The following ZNF398 variants were observed in gnomAD, a reference collection of about 807,000 sequenced individuals.
The protein encoded by ZNF398 is zinc finger DNA binding protein ZER6.
In ZNF398, 18 loss-of-function variants were observed where a neutral mutation model predicts 41.9. The observed-to-expected ratio is 0.43, with a 90% confidence interval of 0.30 to 0.64. The LOEUF is 0.64. Among genes scored for constraint, ZNF398 ranks in the 30% least tolerant of loss-of-function variants. The pLI is 0.14. For missense variants in ZNF398, 669 were observed against 822.8 expected (o/e 0.81, Z 2.29); for synonymous variants, 260 against 308.8 (o/e 0.84, Z 1.66).
rs150446981 is a variant in ZNF398 at position 149,150,553 on chromosome 7, T to A, written c.24+2787T>A. 1.5e-3 allele frequency among the ~76,000 whole-genome samples: 225 copies of A among 152,128 alleles called. 3 individuals are homozygous for A. The East Asian group carries it at 0.034, about 23-fold the overall frequency. On this transcript the variant is annotated intron_variant, in intron 1 of 5. Coordinates refer to ENST00000475153, the MANE Select transcript of ZNF398 (RefSeq NM_170686.3). The stretch of plus-strand genomic sequence containing the variant: ...GATGGAGGTTGCGGTAAGCTGAGAT[T>A]ACACCACTGCACTCCAGCCTGGGTG...
intron 2 of ZNF398, among the ~76,000 whole-genome samples, chr7:149,130,330 A>C (rs950284648): frequency 1.3e-5 from 2 of 152,188 alleles, no homozygotes; most frequent in Admixed American, 6.5e-5. Context: ...TCCTAACCTC[A>C]AGTGATCCGC....
In ZNF398 at chr7:149,178,788, A is replaced by G; in HGVS notation, c.916A>G (p.Met306Val). The part of the protein sequence containing the change: ...VAFKSQQSTS[M>V]TPFGRPATDL... ...TTTCAAAAGCCAGCAGTCTACATCC[A>G]TGACACCTTTTGGACGTCCAGCCAC... is the stretch of plus-strand genomic sequence containing the variant. Residue 306 changes from methionine (M) to valine (V), a missense_variant, in exon 6 of 6, where the codon ATG (methionine) becomes GTG (valine). Coordinates refer to ENST00000475153, the MANE Select transcript of ZNF398 (RefSeq NM_170686.3). 4 of 1,614,196 alleles carry G rather than the reference A, an allele frequency of 2.5e-6. No individual in the cohort carries two copies. The highest frequency in any genetic ancestry group is 2.5e-6 in the Non-Finnish European group (3 of 1,180,028).
intron 2 of ZNF398, among the ~76,000 whole-genome samples, chr7:149,163,882 G>A (rs946128190): frequency 1.3e-5 from 2 of 152,148 alleles, no homozygotes; most frequent in Non-Finnish European, 2.9e-5. Flanking sequence ...GGAGGCTGAG[G>A]TAGGTGAATC....
At position 149,148,482 on chromosome 7, in the gene ZNF398, G is replaced by A. The variant is rs1416786952; in HGVS notation, c.24+716G>A. ...ACTGATCGCATTTGCCACCCAAGAG[G>A]TCTTTGGTCACCTCTAGGAGAGCAA... On this transcript the variant is annotated intron_variant, in intron 1 of 5. Coordinates refer to ENST00000475153, the MANE Select transcript of ZNF398 (RefSeq NM_170686.3). 9 of 985,412 alleles carry A rather than the reference G, an allele frequency of 9.1e-6. No homozygotes were observed. In the East Asian group the frequency reaches 9.1e-4, roughly 99 times the overall value. 61.0% of individuals were successfully genotyped at this position (985,412 alleles called of 1,614,324 possible).
upstream of ZNF398, among the ~76,000 whole-genome samples, chr7:149,144,350 G>A (rs573956006): frequency 1.6e-4 from 25 of 152,112 alleles, no homozygotes; most frequent in South Asian, 1.3e-3. Context: ...TCAGTCTGTC[G>A]CCCAGGCTGG....
At chr7:149,134,028 G>A (rs1174221912) in intron 2 of ZNF398, among the ~76,000 whole-genome samples, 1 of 150,052 alleles carries the variant, frequency 6.7e-6, no homozygotes, top group African/African-American at 2.4e-5. Context: ...TGGGATTACA[G>A]GCATGAGCCA....
At chr7:149,143,041 C>G (rs1187980799), upstream of ZNF398, among the ~76,000 whole-genome samples, 6 of 151,942 alleles carry the variant, frequency 3.9e-5, no homozygotes, top group African/African-American at 1.5e-4. Flanking sequence ...CAAACTCAAC[C>G]TCCCAGGCTC....
chr7:149,142,166 G>A (rs1826838850), intron 2 of ZNF398, among the ~76,000 whole-genome samples: 1 of 151,846 alleles, frequency 6.6e-6, no homozygotes, highest in South Asian at 2.1e-4. Context: ...AACCATTTTC[G>A]GTTGAGATTT....
intron 2 of ZNF398, among the ~76,000 whole-genome samples, chr7:149,158,278 G>C (rs1795027543): frequency 6.6e-6 from 1 of 152,192 alleles, no homozygotes; most frequent in Admixed American, 6.6e-5. Flanking sequence ...TGTCTGCATA[G>C]ATGTCACTGG....
At chr7:149,158,179 G>GA (rs1256639485) in intron 2 of ZNF398, among the ~76,000 whole-genome samples, 3 of 151,118 alleles carry the variant, frequency 2.0e-5, no homozygotes, top group Admixed American at 6.6e-5. Context: ...GGGCCAAGGA[G>GA]AAAAAAAAAG....
At chr7:149,170,608 G>A (rs532900903) in intron 4 of ZNF398, among the ~76,000 whole-genome samples, 7 of 152,024 alleles carry the variant, frequency 4.6e-5, no homozygotes, top group Non-Finnish European at 5.9e-5. Context: ...GGTGGTGGGC[G>A]CCTGTAGTCC....
Position 149,176,503 on chromosome 7 carries a change from A to G in ZNF398, c.697A>G (p.Ile233Val), listed in dbSNP as rs758450928. The change falls in exon 5 of 6, where the codon ATT becomes GTT. Residue 233 changes from isoleucine to valine, a missense_variant. Coordinates refer to ENST00000475153, the MANE Select transcript of ZNF398 (RefSeq NM_170686.3). ...TTCAACATCAGATATTCTGTCTTGG[A>G]TTAAACAAGAAGAAGAGCCTCAGGT... ...GISTSDILSW[I>V]KQEEEPQVGA... 1.9e-6 allele frequency: 3 copies of G among 1,613,804 alleles called. No individual in the cohort carries two copies. The highest frequency in any genetic ancestry group is 2.5e-6 in the Non-Finnish European group (3 of 1,179,926).
intron 2 of ZNF398, among the ~76,000 whole-genome samples, chr7:149,161,629 A>C (rs1171924576): frequency 6.6e-6 from 1 of 152,198 alleles, no homozygotes; most frequent in Non-Finnish European, 1.5e-5. Flanking sequence ...CTGAATGCCT[A>C]ACATACAAGC....
At chr7:149,148,409 A>C (rs2129520028) in intron 1 of ZNF398, 1 of 984,984 alleles carries the variant, frequency 1.0e-6, no homozygotes, top group Admixed American at 6.1e-5. Flanking sequence ...CCGCGCCTGC[A>C]CGCAGCCCCG....
chr7:149,171,083 C>T (rs1795330280), intron 4 of ZNF398, among the ~76,000 whole-genome samples: 1 of 150,348 alleles, frequency 6.7e-6, no homozygotes, highest in Admixed American at 6.6e-5. Context: ...CTGCTGACCT[C>T]ATGATCCACC....
rs143211105 is a variant in ZNF398 at position 149,134,064 on chromosome 7, CTT to C, written c.-490+5136_-490+5137del. 5.6e-4 allele frequency among the ~76,000 whole-genome samples: 72 copies of C among 128,492 alleles called. 1 individual carries two copies. Among genetic ancestry groups the C allele is most frequent in the East Asian group, 1.7e-3 (7 of 4,172 alleles). The allele number at this position is 128,492 out of a possible 152,430, so 84.3% of individuals were successfully genotyped here. A position where few individuals can be genotyped will look rare whatever the true frequency, so the allele number is the denominator to read the frequency against. ...CCGTGCTTGGCCATGCTGTTTTTGTCTTTTTTTTTTTTTTTTTGAGACGGAGT... is the reference window on the plus strand; with the variant it reads ...CCGTGCTTGGCCATGCTGTTTTTGTCTTTTTTTTTTTTTTTGAGACGGAGT... On this transcript the variant is annotated intron_variant, in intron 2 of 6. Transcript: ENST00000426851.
upstream of ZNF398, among the ~76,000 whole-genome samples, chr7:149,145,903 AAC>A (rs1826927773): frequency 6.6e-6 from 1 of 150,736 alleles, no homozygotes; most frequent in African/African-American, 2.4e-5. Flanking sequence ...GTTGACTTAA[AAC>A]ACAACCTCAC....
intron 2 of ZNF398, among the ~76,000 whole-genome samples, chr7:149,155,705 ATAT>A (rs1325335772): frequency 1.6e-4 from 11 of 66,698 alleles, no homozygotes; most frequent in African/African-American, 8.1e-4. Flanking sequence ...ATATATATAT[ATAT>A]TTTTTTTTTT....
At chr7:149,128,755 A>AAAAAATAAAATAAAATAAAAT in intron 1 of ZNF398, 1 of 112,662 alleles carries the variant, frequency 8.9e-6, no homozygotes, top group Non-Finnish European at 1.7e-5. Context: ...TCTGTCTCAA[A>AAAAAATAAAATAAAATAAAAT]AAAATAAAAT....
Sources: gnomAD v4.1 joint callset for allele counts (sites outside exome capture counted in the v4.1 genomes callset) on GRCh38, gnomAD v4.1.1 for gene constraint, MANE v1.5 for transcripts, NCBI Gene and HGNC (gene_info 2026-07-23, HGNC 2026-07-21) for gene names.